The following AK8 variants were observed in gnomAD, a reference collection of about 807,000 sequenced individuals.
AK8 encodes ATP-AMP transphosphorylase 8.
AK8 carries 44 observed loss-of-function variants against 54.6 expected under a neutral mutation model. That is an observed-to-expected ratio of 0.81 (90% confidence interval 0.63 to 1.04). The LOEUF is 1.04. AK8 is among the 50% of genes least tolerant of loss of function. AK8 has a pLI of 0.00. For synonymous variants in AK8, 239 were observed against 245.6 expected, an observed-to-expected ratio of 0.97 and a Z score of 0.25; for missense variants, 555 against 613.6, an observed-to-expected ratio of 0.90 and a Z score of 1.01.
chr9:132,812,946 G>GC, intron 10 of AK8, among the ~76,000 whole-genome samples: 1 of 135,434 alleles, frequency 7.4e-6, no homozygotes, highest in African/African-American at 2.9e-5. Flanking sequence ...TCACTGCCCT[G>GC]AGCCTACACA....
chr9:132,836,050 A>G (rs2771990), intron 5 of AK8, among the ~76,000 whole-genome samples: 114,115 of 152,060 alleles, frequency 0.75, 43,129 homozygotes, highest in South Asian at 0.86. Flanking sequence ...TTGCACCTGG[A>G]AGGTGGAGGT....
chr9:132,777,645 C>T (rs1839280203), intron 11 of AK8, among the ~76,000 whole-genome samples: 1 of 152,152 alleles, frequency 6.6e-6, no homozygotes, highest in Non-Finnish European at 1.5e-5. Context: ...GCTACTACTC[C>T]CTTTGATGGT....
chr9:132,843,738 G>A (rs1312750311), intron 5 of AK8, among the ~76,000 whole-genome samples: 1 of 152,164 alleles, frequency 6.6e-6, no homozygotes, highest in East Asian at 1.9e-4. Flanking sequence ...TCCTCAGAAG[G>A]GTGCACTTTC....
At position 132,814,586 on chromosome 9, in the gene AK8, A is replaced by G. The variant is rs1406326858; in HGVS notation, c.979+52T>C. On this transcript the variant is annotated intron_variant, in intron 10 of 12. Coordinates refer to ENST00000298545, the MANE Select transcript of AK8 (RefSeq NM_152572.3). The stretch of plus-strand genomic sequence containing the variant: ...TGTTCAGAGAGCCGCACAAAAAGAA[A>G]GTTCTCTCTGGAGCCTGTAAGGTCA... 4.5e-6 allele frequency: 7 copies of G among 1,541,772 alleles called. No homozygotes were observed. The South Asian group carries it at 7.0e-5, about 15-fold the overall frequency.
chr9:132,821,444 ATAAT>A (rs1455264643), intron 9 of AK8, among the ~76,000 whole-genome samples: 1 of 152,202 alleles, frequency 6.6e-6, no homozygotes, highest in African/African-American at 2.4e-5. Flanking sequence ...AATTATTGAA[ATAAT>A]TTATTTTTAA....
At chr9:132,820,906 G>A (rs1841567864) in intron 9 of AK8, among the ~76,000 whole-genome samples, 1 of 152,148 alleles carries the variant, frequency 6.6e-6, no homozygotes, top group South Asian at 2.1e-4. Flanking sequence ...TCTTAAATGG[G>A]TTTACTTAAA....
At chr9:132,779,058 G>A (rs1054505565) in intron 11 of AK8, among the ~76,000 whole-genome samples, 6 of 148,872 alleles carry the variant, frequency 4.0e-5, no homozygotes, top group Non-Finnish European at 5.9e-5. Context: ...TCTTTAAAAT[G>A]TCTTCCATAG....
intron 4 of AK8, among the ~76,000 whole-genome samples, chr9:132,858,930 A>G (rs768831528): frequency 6.6e-6 from 1 of 152,130 alleles, no homozygotes; most frequent in Non-Finnish European, 1.5e-5. Flanking sequence ...TTTTCACAGG[A>G]GTGACGGAGC....
rs761045222 is a variant in AK8 at position 132,826,835 on chromosome 9, G to A, written c.757+19C>T. 2 of 1,613,122 alleles carry A rather than the reference G, an allele frequency of 1.2e-6. No individual in the cohort carries two copies. Among genetic ancestry groups the A allele is most frequent in the Admixed American group, 1.7e-5 (1 of 60,008 alleles). ...CCCTTGGCCGTCTGTCCAGGGTGGG[G>A]CTGCCTGCTTGTGTTTACCCTGGTA... On this transcript the variant is annotated intron_variant, in intron 8 of 12. Coordinates refer to ENST00000298545, the MANE Select transcript of AK8 (RefSeq NM_152572.3). The surrounding 1 kb of genome is among the most constrained non-coding windows in gnomAD (Gnocchi z 4.5).
At chr9:132,865,309 A>G (rs1843542770) in intron 3 of AK8, among the ~76,000 whole-genome samples, 1 of 152,232 alleles carries the variant, frequency 6.6e-6, no homozygotes, top group African/African-American at 2.4e-5. Flanking sequence ...GATGCAGGTT[A>G]GTTTGTGCAA....
chr9:132,839,289 T>C (rs1842443134), intron 5 of AK8, among the ~76,000 whole-genome samples: 2 of 152,222 alleles, frequency 1.3e-5, no homozygotes, highest in African/African-American at 4.8e-5. Flanking sequence ...CTTCACCAAC[T>C]GTGTCTTGGC....
At chr9:132,861,749 T>A (rs547107647) in intron 4 of AK8, among the ~76,000 whole-genome samples, 2 of 152,306 alleles carry the variant, frequency 1.3e-5, no homozygotes, top group East Asian at 3.9e-4. Context: ...GCAGACAATT[T>A]AAAGAGGACA....
intron 10 of AK8, among the ~76,000 whole-genome samples, chr9:132,802,419 G>A (rs1255282482): frequency 3.3e-5 from 5 of 152,208 alleles, no homozygotes; most frequent in African/African-American, 4.8e-5. Context: ...ATCCTGGGGT[G>A]TCTGTGGTGA....
At chr9:132,878,359 C>G (rs1844252663), upstream of AK8, 2 of 1,254,956 alleles carry the variant, frequency 1.6e-6, no homozygotes, top group East Asian at 6.3e-5. This position sits in a 1 kb window ranked among gnomAD's most constrained non-coding sequence, Gnocchi z 4.7. Flanking sequence ...GGCTCCGCGC[C>G]GGGCCCAGAT....
chr9:132,740,809 A>G (rs1017171400), intron 11 of AK8, among the ~76,000 whole-genome samples: 1 of 152,182 alleles, frequency 6.6e-6, no homozygotes, highest in Admixed American at 6.5e-5. Context: ...ATGAACGGTC[A>G]TCTTCATCTC....
chr9:132,796,125 A>C (rs549841968), intron 10 of AK8, among the ~76,000 whole-genome samples: 1 of 152,312 alleles, frequency 6.6e-6, no homozygotes, highest in South Asian at 2.1e-4. Context: ...GACCCGCCCA[A>C]GGTCATCTAG....
chr9:132,867,293 T>C (rs138285177), intron 2 of AK8, among the ~76,000 whole-genome samples: 2 of 152,244 alleles, frequency 1.3e-5, no homozygotes, highest in African/African-American at 4.8e-5. Context: ...CTCTCTCCAA[T>C]AAGGCTGTAA....
At chr9:132,811,959 C>T (rs1056275177) in intron 10 of AK8, among the ~76,000 whole-genome samples, 2 of 152,168 alleles carry the variant, frequency 1.3e-5, no homozygotes, top group East Asian at 1.9e-4. Context: ...TGGTGTTGGC[C>T]GATTGGCACT....
chr9:132,796,023 A>T (rs983216054), intron 10 of AK8, among the ~76,000 whole-genome samples: 2 of 152,170 alleles, frequency 1.3e-5, no homozygotes, highest in African/African-American at 4.8e-5. Context: ...TGACCTTTGG[A>T]GCCACAGCTT....
Sources: gnomAD v4.1 joint callset for allele counts (sites outside exome capture counted in the v4.1 genomes callset) on GRCh38, gnomAD v4.1.1 for gene constraint, Gnocchi (gnomAD v3.1) non-coding constraint, MANE v1.5 for transcripts, NCBI Gene and HGNC (gene_info 2026-07-23, HGNC 2026-07-21) for gene names.